Variants in ZNG1C observed in about 807,000 individuals in gnomAD.
The protein encoded by ZNG1C is Zn regulated GTPase metalloprotein activator 1C.
At chr9:68,247,201 C>T in the ZNG1C span, among the ~76,000 whole-genome samples, 1 of 152,008 alleles carries the variant, frequency 6.6e-6, no homozygotes, top group African/African-American at 2.4e-5. Context: ...CTAACAGAAA[C>T]AATTTAGAAG....
At chr9:68,276,015 A>G in the ZNG1C span, among the ~76,000 whole-genome samples, 1 of 152,030 alleles carries the variant, frequency 6.6e-6, no homozygotes, top group Admixed American at 6.6e-5. Flanking sequence ...GTGAGATAGT[A>G]TCTCATTGTG....
At chr9:68,299,941 T>C in the ZNG1C span, 1 of 152,354 alleles carries the variant, frequency 6.6e-6, no homozygotes, top group Non-Finnish European at 1.5e-5. Flanking sequence ...AATGATTACA[T>C]TGTTATTAAA....
chr9:68,254,872 C>A, the ZNG1C span: 1 of 149,526 alleles, frequency 6.7e-6, no homozygotes, highest in African/African-American at 2.5e-5. Context: ...CTTCCCAAAG[C>A]ATGGAGATGG....
At chr9:68,299,222 T>G in the ZNG1C span, 9 of 1,562,466 alleles carry the variant, frequency 5.8e-6, no homozygotes, top group East Asian at 1.6e-4. Flanking sequence ...TGGTCAATGT[T>G]TCATCTTTGT....
chr9:68,264,895 ATCTC>A, the ZNG1C span, among the ~76,000 whole-genome samples: 1 of 88,832 alleles, frequency 1.1e-5, no homozygotes, highest in Non-Finnish European at 2.2e-5. Flanking sequence ...TTGAGACAGA[ATCTC>A]ACTCTGTCAC....
chr9:68,290,321 C>T, the ZNG1C span, among the ~76,000 whole-genome samples: 3 of 101,390 alleles, frequency 3.0e-5, no homozygotes, highest in African/African-American at 8.1e-5. Flanking sequence ...GTAATCCTAG[C>T]GCTTTGACAG....
At chr9:68,268,441 G>A in the ZNG1C span, among the ~76,000 whole-genome samples, 2 of 151,634 alleles carry the variant, frequency 1.3e-5, no homozygotes, top group African/African-American at 4.9e-5. Flanking sequence ...AACCTGGGAT[G>A]TGTGACTTAG....
At chr9:68,276,227 G>C in the ZNG1C span, among the ~76,000 whole-genome samples, 21 of 115,710 alleles carry the variant, frequency 1.8e-4, no homozygotes. Context: ...TGAGTAGGTT[G>C]CGAAAATTTT....
chr9:68,279,383 A>T, the ZNG1C span, among the ~76,000 whole-genome samples: 1 of 121,792 alleles, frequency 8.2e-6, no homozygotes, highest in South Asian at 3.5e-4. Context: ...TCGTTAGTTG[A>T]TGCAGTTTCT....
At chr9:68,288,046 TTA>T in the ZNG1C span, among the ~76,000 whole-genome samples, 1 of 93,928 alleles carries the variant, frequency 1.1e-5, no homozygotes, top group Non-Finnish European at 2.1e-5. Context: ...AGAAGCATAA[TTA>T]GATAAAACAG....
chr9:68,281,307 C>A, the ZNG1C span, among the ~76,000 whole-genome samples: 1 of 152,200 alleles, frequency 6.6e-6, no homozygotes, highest in Admixed American at 6.5e-5. Flanking sequence ...CTGCGTCTCT[C>A]ACGCTGGGAG....
chr9:68,291,766 A>T, the ZNG1C span, among the ~76,000 whole-genome samples: 13 of 151,984 alleles, frequency 8.6e-5, no homozygotes, highest in African/African-American at 3.1e-4. Context: ...GAGATTAAGT[A>T]TCTCATGTTT....
the ZNG1C span, among the ~76,000 whole-genome samples, chr9:68,264,958 C>T: frequency 2.9e-5 from 3 of 102,600 alleles, no homozygotes; most frequent in Non-Finnish European, 3.9e-5. Flanking sequence ...CAGGTTCAAG[C>T]GATTCTCCTG....
the ZNG1C span, among the ~76,000 whole-genome samples, chr9:68,260,454 G>C: frequency 6.6e-6 from 1 of 151,136 alleles, no homozygotes; most frequent in African/African-American, 2.4e-5. Flanking sequence ...CTGCTACCTT[G>C]ATAAAACCTC....
At chr9:68,247,820 G>A in the ZNG1C span, 1 of 520,026 alleles carries the variant, frequency 1.9e-6, no homozygotes, top group African/African-American at 3.3e-5. Flanking sequence ...TTGCTTCATT[G>A]TATTTTCAAA....
chr9:68,287,934 AT>A, the ZNG1C span, among the ~76,000 whole-genome samples: 1 of 123,696 alleles, frequency 8.1e-6, no homozygotes, highest in Non-Finnish European at 1.7e-5. Flanking sequence ...AAATTTCAAC[AT>A]AGAAATTTAT....
At chr9:68,267,088 G>A in the ZNG1C span, among the ~76,000 whole-genome samples, 4 of 151,546 alleles carry the variant, frequency 2.6e-5, no homozygotes, top group Non-Finnish European at 5.9e-5. Context: ...TATACAGAGA[G>A]ACATTCGGTA....
chr9:68,264,821 T>TTTCATA, the ZNG1C span, among the ~76,000 whole-genome samples: 2 of 24,960 alleles, frequency 8.0e-5, no homozygotes, highest in African/African-American at 2.9e-4. Flanking sequence ...GGATTGAAGA[T>TTTCATA]TATATATATA....
the ZNG1C span, chr9:68,257,014 TGG>T: frequency 1.6e-3 from 330 of 201,964 alleles, 4 homozygotes; most frequent in Non-Finnish European, 1.7e-3. Context: ...TTATCTTTCT[TGG>T]TTTTTTTTTT....
Sources: allele counts gnomAD v4.1 joint callset (sites outside exome capture counted in the v4.1 genomes callset), GRCh38; gene constraint gnomAD v4.1.1; transcripts MANE v1.5; gene names NCBI Gene and HGNC (gene_info 2026-07-23, HGNC 2026-07-21).